Variants in PEAK1 observed in about 807,000 individuals in gnomAD.
PEAK1 encodes pseudopodium enriched atypical kinase 1.
In PEAK1, 54 loss-of-function variants were observed where a neutral mutation model predicts 124.7. That is an observed-to-expected ratio of 0.43 (90% CI 0.35 to 0.54). PEAK1 has a LOEUF of 0.54. PEAK1 is among the 20% of genes least tolerant of loss of function. The probability of loss-of-function intolerance (pLI) is 0.01; values close to 1 mark genes in which losing one functional copy is unlikely to be tolerated. For missense variants in PEAK1, 2,046 were observed against 2,134.5 expected (o/e 0.96, Z 0.82); for synonymous variants, 719 against 760.0 (o/e 0.95, Z 0.89).
intron 8 of PEAK1, among the ~76,000 whole-genome samples, chr15:77,149,142 G>C (rs147927293): frequency 6.6e-6 from 1 of 152,274 alleles, no homozygotes; most frequent in East Asian, 1.9e-4. Context: ...AGTGGGCAAT[G>C]ACACAGCTCT....
rs1012783614 is a variant in PEAK1, at chr15:77,298,498, G to A, written c.-602-11994C>T. 4.6e-5 allele frequency among the ~76,000 whole-genome samples: 7 copies of A among 151,900 alleles called. 1 individual carries two copies. The highest frequency in any genetic ancestry group is 4.1e-4 in the South Asian group (2 of 4,822). On this transcript the variant is annotated intron_variant, in intron 2 of 9. Coordinates refer to ENST00000682557, the MANE Select transcript of PEAK1 (RefSeq NM_001385026.1). ...CTCCCAAAGTGCTGGGATTACAGGC[G>A]TGAGCCACCACGCCCGGCCGGTATC...
chr15:77,366,447 A>G (rs1200633983), intron 1 of PEAK1, among the ~76,000 whole-genome samples: 1 of 152,148 alleles, frequency 6.6e-6, no homozygotes, highest in Non-Finnish European at 1.5e-5. Context: ...GGCTATACTG[A>G]CAGCTACAAG....
intron 2 of PEAK1, among the ~76,000 whole-genome samples, chr15:77,312,618 T>G (rs1252777487): frequency 1.3e-5 from 2 of 152,240 alleles, no homozygotes; most frequent in African/African-American, 4.8e-5. Context: ...TGACTGCAGG[T>G]CATCAATGAC....
Position 77,133,382 on chromosome 15 carries a change from T to C in PEAK1, c.3700A>G (p.Ser1234Gly), listed in dbSNP as rs574875677. The C allele has an allele frequency of 2.5e-6, 4 of 1,614,252 alleles. No homozygotes were observed. The African/African-American group carries it at 4.0e-5, about 16-fold the overall frequency. ...CTGAGAGTGGTTAAGCTGGAAATGC[T>C]GTTTGCTGCTGAGGGGACAGGTCTC... ...KERPVPSAANSISSLTTLSIK... is the reference protein window; with the variant it reads ...KERPVPSAANGISSLTTLSIK... The change falls in exon 9 of 10, where the codon AGC (serine) becomes GGC (glycine). Residue 1234 changes from serine (S) to glycine (G), a missense_variant. Transcript: ENST00000682557. This position sits in a 1 kb window ranked among gnomAD's most constrained non-coding sequence, Gnocchi z 4.2.
intron 2 of PEAK1, among the ~76,000 whole-genome samples, chr15:77,328,781 T>C (rs562124754): frequency 5.9e-5 from 9 of 152,280 alleles, no homozygotes; most frequent in African/African-American, 4.8e-5. Context: ...ATAAACCACA[T>C]AGTTGTTTTT....
At chr15:77,221,945 T>C (rs925910377) in intron 6 of PEAK1, among the ~76,000 whole-genome samples, 2 of 152,104 alleles carry the variant, frequency 1.3e-5, no homozygotes, top group Non-Finnish European at 2.9e-5. Flanking sequence ...ATGATTCTCC[T>C]CTATACTATA....
intron 1 of PEAK1, among the ~76,000 whole-genome samples, chr15:77,388,806 C>CAA (rs5813864): frequency 0.021 from 3,038 of 142,772 alleles, 47 homozygotes; most frequent in African/African-American, 0.04. Flanking sequence ...CTTCACACTA[C>CAA]AAAAAAAAAA....
At chr15:77,292,057 A>G (rs2063246469) in intron 2 of PEAK1, among the ~76,000 whole-genome samples, 1 of 152,114 alleles carries the variant, frequency 6.6e-6, no homozygotes, top group African/African-American at 2.4e-5. Flanking sequence ...TACACTGTAC[A>G]AATATAAGGG....
chr15:77,414,553 G>A (rs1035668169), intron 1 of PEAK1, among the ~76,000 whole-genome samples: 1 of 152,010 alleles, frequency 6.6e-6, no homozygotes. Flanking sequence ...GACTTGAAAC[G>A]AACATGGTTT....
At chr15:77,404,050 G>T (rs181213135) in intron 1 of PEAK1, 2 of 983,544 alleles carry the variant, frequency 2.0e-6, no homozygotes, top group Non-Finnish European at 2.4e-6. Context: ...TTAGAATATA[G>T]AATCAATTTT....
intron 1 of PEAK1, among the ~76,000 whole-genome samples, chr15:77,414,827 T>C (rs188949807): frequency 6.6e-6 from 1 of 152,382 alleles, no homozygotes; most frequent in African/African-American, 2.4e-5. Context: ...ACTTCTAGCA[T>C]TTCATGCTCC....
intron 6 of PEAK1, among the ~76,000 whole-genome samples, chr15:77,251,856 A>C (rs1447580903): frequency 1.3e-5 from 2 of 152,180 alleles, no homozygotes; most frequent in African/African-American, 2.4e-5. Flanking sequence ...ATCATCCCTT[A>C]ATCTGCATGC....
At chr15:77,376,773 T>C (rs1469773710) in intron 1 of PEAK1, among the ~76,000 whole-genome samples, 2 of 152,198 alleles carry the variant, frequency 1.3e-5, no homozygotes, top group East Asian at 3.9e-4. Flanking sequence ...TTCACAAAGA[T>C]TGTTCCATTT....
intron 2 of PEAK1, among the ~76,000 whole-genome samples, chr15:77,302,902 G>A (rs899822205): frequency 6.6e-6 from 1 of 152,008 alleles, no homozygotes; most frequent in African/African-American, 2.4e-5. Flanking sequence ...AAAAGTCCTG[G>A]TTTTTCATCT....
At chr15:77,144,964 A>G (rs987597200) in intron 8 of PEAK1, among the ~76,000 whole-genome samples, 2 of 152,216 alleles carry the variant, frequency 1.3e-5, no homozygotes, top group African/African-American at 4.8e-5. Context: ...CTAATATAAC[A>G]TCACATACTC....
intron 6 of PEAK1, among the ~76,000 whole-genome samples, chr15:77,227,309 T>TA (rs748611843): frequency 2.6e-5 from 4 of 152,116 alleles, no homozygotes; most frequent in African/African-American, 9.7e-5. Flanking sequence ...ATGATATCCC[T>TA]AAACAAATAA....
chr15:77,236,190 T>C (rs927190904), intron 6 of PEAK1, among the ~76,000 whole-genome samples: 1 of 152,146 alleles, frequency 6.6e-6, no homozygotes, highest in Non-Finnish European at 1.5e-5. Context: ...CCCAGAATGG[T>C]AGATCCACTG....
chr15:77,296,797 TTTTTC>T (rs1348763090), intron 2 of PEAK1, among the ~76,000 whole-genome samples: 18 of 151,724 alleles, frequency 1.2e-4, no homozygotes, highest in East Asian at 7.7e-4. Flanking sequence ...GAGGCCCATA[TTTTTC>T]TTTTAACACT....
At chr15:77,276,424 G>A (rs1243133096) in intron 5 of PEAK1, among the ~76,000 whole-genome samples, 1 of 152,138 alleles carries the variant, frequency 6.6e-6, no homozygotes, top group Non-Finnish European at 1.5e-5. Flanking sequence ...GAAGCCAGAA[G>A]GAACTGGCAC....
Sources: gnomAD v4.1 joint callset for allele counts (sites outside exome capture counted in the v4.1 genomes callset) on GRCh38, gnomAD v4.1.1 for gene constraint, Gnocchi (gnomAD v3.1) non-coding constraint, MANE v1.5 for transcripts, NCBI Gene and HGNC (gene_info 2026-07-23, HGNC 2026-07-21) for gene names.